The following INKA2 variants were observed in gnomAD, a reference collection of about 807,000 sequenced individuals.
INKA2 encodes the protein PAK4-inhibitor INKA2.
In INKA2, 3 loss-of-function variants were observed where a neutral mutation model predicts 9.8. The ratio of observed to expected loss-of-function variants is 0.31; its 90% CI spans 0.14 to 0.79. INKA2 has a LOEUF of 0.79. Ranked by LOEUF, INKA2 falls within the 30% of genes least tolerant of loss-of-function variation. The pLI, the probability that INKA2 is intolerant of heterozygous loss-of-function variation, is 0.62. For synonymous variants in INKA2, 147 were observed against 143.3 expected, an observed-to-expected ratio of 1.03 and a Z score of -0.18; for missense variants, 392 against 384.4, an observed-to-expected ratio of 1.02 and a Z score of -0.17.
At chr1:111,738,078 CT>C (rs1443672907) in intron 1 of INKA2, among the ~76,000 whole-genome samples, 2 of 152,160 alleles carry the variant, frequency 1.3e-5, no homozygotes, top group Non-Finnish European at 2.9e-5. Context: ...CTGAGTGCCC[CT>C]GGCTCTGTAA....
chr1:111,736,577 G>A (rs1162892746), intron 1 of INKA2, among the ~76,000 whole-genome samples: 1 of 152,194 alleles, frequency 6.6e-6, no homozygotes, highest in Non-Finnish European at 1.5e-5. Flanking sequence ...GAAATTTACT[G>A]AAATAAATGA....
At chr1:111,740,971 TAAAAAAAAAAAAAAAAA>T (rs869221820), upstream of INKA2, among the ~76,000 whole-genome samples, 25 of 38,404 alleles carry the variant, frequency 6.5e-4, 2 homozygotes, top group East Asian at 3.8e-3. Context: ...AAACTCCGTT[TAAAAAAAAAAAAAAAAA>T]AAAAAAAAAA....
chr1:111,755,747 C>A, exon 1 of INKA2: 2 of 1,613,938 alleles, frequency 1.2e-6, no homozygotes, highest in Non-Finnish European at 1.7e-6. Context: ...TTTCCTCAGG[C>A]CACATTTTTT....
chr1:111,730,501 C>T (rs1378554525), intron 1 of INKA2, among the ~76,000 whole-genome samples: 1 of 152,196 alleles, frequency 6.6e-6, no homozygotes, highest in Non-Finnish European at 1.5e-5. Context: ...CTTCCCAGCA[C>T]ACACCTCCTG....
rs755521337 is a variant in INKA2, at chr1:111,726,996, A to G, written c.866T>C (p.Phe289Ser). The G allele has an allele frequency of 1.2e-6, 2 of 1,613,788 alleles. No homozygotes were observed. The highest frequency in any genetic ancestry group is 1.7e-6 in the Non-Finnish European group (2 of 1,179,924). The change falls in exon 2 of 2, where the codon TTT becomes TCT. Residue 289 changes from phenylalanine (F) to serine (S), a missense_variant. By Grantham distance (155) the Phe-to-Ser change is radical. Transcript: ENST00000357260. The part of the protein sequence containing the change: ...PKALEHSPSG[F>S]DINTAVWV ...GACCCAAACAGCTGTGTTAATATCA[A>G]ATCCTGAGGGTGAGTGCTCCAGGGC...
Position 111,723,205 on chromosome 1 carries a change from G to C in INKA2, c.*3763C>G. 1.6e-6 allele frequency: 1 copy of C among 610,904 alleles called. No homozygotes were observed. Among genetic ancestry groups the C allele is most frequent in the Non-Finnish European group, 2.9e-6 (1 of 341,146 alleles). The allele number at this position is 610,904 out of a possible 1,614,324, so 37.8% of individuals were successfully genotyped here. ...CTCTTGTCCAGACCACGTAGGAAACGATGGTGTGACTTGGGAAAGATGGAG... is the reference window on the plus strand; with the variant it reads ...CTCTTGTCCAGACCACGTAGGAAACCATGGTGTGACTTGGGAAAGATGGAG... On this transcript the variant is annotated 3_prime_UTR_variant, in exon 2 of 2. Coordinates refer to ENST00000357260, the MANE Select transcript of INKA2 (RefSeq NM_019099.5).
chr1:111,727,895 T>TA, intron 1 of INKA2, 91 bp from the exon 2 acceptor site: 1 of 1,256,022 alleles, frequency 8.0e-7, no homozygotes, highest in South Asian at 1.2e-5. Context: ...CACCCAAACA[T>TA]ACACTTCCAG....
rs140925986 is a variant in INKA2 at position 111,726,711 on chromosome 1, GCACA to G, written c.*253_*256del. 4.4e-4 allele frequency: 207 copies of G among 467,370 alleles called. No individual in the cohort carries two copies. The highest frequency in any genetic ancestry group is 9.5e-4 in the South Asian group (34 of 35,816). The allele number at this position is 467,370 out of a possible 1,614,324, so 29.0% of individuals were successfully genotyped here. The stretch of plus-strand genomic sequence containing the variant: ...ATGCATGCCAGACAGACACACACAT[GCACA>G]CACACACACACACACGCACAGCTCA... On this transcript the variant is annotated 3_prime_UTR_variant, in exon 2 of 2. Transcript: ENST00000357260.
chr1:111,749,443 T>C lies in INKA2; in HGVS notation n.124+6258A>G, dbSNP rs554062723. 3.5e-3 allele frequency among the ~76,000 whole-genome samples: 510 copies of C among 145,788 alleles called. 3 individuals carry two copies. The highest frequency in any genetic ancestry group is 0.012 in the African/African-American group (470 of 38,070). On this transcript the variant is annotated intron_variant and non_coding_transcript_variant, in intron 1 of 1. Coordinates refer to the INKA2 transcript ENST00000444059. ...TGGGGTGTGTGTGTGTGTGTGTGTG[T>C]GTGCGCGCGCGCGCGTGCTAGGGAG...
chr1:111,749,853 C>T (rs1021534188), intron 1 of INKA2, among the ~76,000 whole-genome samples: 2 of 152,164 alleles, frequency 1.3e-5, no homozygotes, highest in Non-Finnish European at 2.9e-5. Context: ...AAAGAGGATC[C>T]CTCAAATGCA....
intron 1 of INKA2, 133 bp from the exon 2 acceptor site, chr1:111,727,937 C>T (rs183193): frequency 1.2e-6 from 1 of 822,420 alleles, no homozygotes; most frequent in Admixed American, 1.9e-5. Context: ...CCCCATCTCT[C>T]TATAGCCTAG....
rs769619836 is a variant in INKA2 at position 111,727,449 on chromosome 1, G to A, written c.413C>T (p.Pro138Leu). 12 of 1,614,102 alleles carry A rather than the reference G, an allele frequency of 7.4e-6. No homozygotes were observed. In the Middle Eastern group the frequency reaches 6.6e-4, roughly 88 times the overall value. ...CAQQGPERVE[P>L]DDWTSTLMSR... ...CATCAACGTGGAGGTCCAGTCATCC[G>A]GTTCCACTCGCTCTGGCCCCTGCTG... The change falls in exon 2 of 2, where the codon CCG becomes CTG. Residue 138 changes from proline to leucine, a missense_variant. By Grantham distance (98) the Pro-to-Leu change is moderately conservative. Coordinates refer to ENST00000357260, the MANE Select transcript of INKA2 (RefSeq NM_019099.5).
rs770237328 is a variant in INKA2, at chr1:111,727,186, G to T, written c.676C>A (p.Leu226Met). 6.8e-6 allele frequency: 11 copies of T among 1,614,110 alleles called. No homozygotes were observed. Among genetic ancestry groups the T allele is most frequent in the Non-Finnish European group, 9.3e-6 (11 of 1,180,040 alleles). The change falls in exon 2 of 2, where the codon CTG becomes ATG. Residue 226 changes from leucine (L) to methionine (M), a missense_variant. Transcript: ENST00000357260. ...GTCACCCAGCCTGGCTTCTCCTTCA[G>T]CAGCCGGTCACGGTCAGGCCGCACA... ...RSVRPDRDRL[L>M]KEKPGWVTPM...
chr1:111,746,691 A>G (rs1374772785), intron 1 of INKA2: 1 of 152,186 alleles, frequency 6.6e-6, no homozygotes, highest in South Asian at 2.1e-4. Context: ...CTAGTCTAAC[A>G]TATATTGGAG....
rs1202857461 is a variant in INKA2, at chr1:111,726,653, A to C, written c.*315T>G. On this transcript the variant is annotated 3_prime_UTR_variant, in exon 2 of 2. Coordinates refer to ENST00000357260, the MANE Select transcript of INKA2 (RefSeq NM_019099.5). ...TTTTCTGATCTCCTCCTCTGCCCTC[A>C]CCTACTGTCACCTCCAGCCCCAAAG... is the stretch of plus-strand genomic sequence containing the variant. 2.8e-6 allele frequency: 1 copy of C among 358,028 alleles called. No homozygotes were observed. Among genetic ancestry groups the C allele is most frequent in the Non-Finnish European group, 5.1e-6 (1 of 195,572 alleles). 22.2% of individuals were successfully genotyped at this position (358,028 alleles called of 1,614,324 possible).
intron 1 of INKA2, among the ~76,000 whole-genome samples, chr1:111,732,962 C>T (rs1027609753): frequency 4.6e-5 from 7 of 152,298 alleles, no homozygotes; most frequent in East Asian, 3.9e-4. Flanking sequence ...GAATCTCAGA[C>T]GACAACTCCT....
chr1:111,738,443 C>T (rs1300659480), intron 1 of INKA2, among the ~76,000 whole-genome samples: 3 of 151,790 alleles, frequency 2.0e-5, no homozygotes, highest in African/African-American at 7.3e-5. Flanking sequence ...TACCGCGGGG[C>T]CTCCGAACGC....
chr1:111,739,095 T>A, intron 1 of INKA2, 91 bp downstream of exon 1: 1 of 1,288,958 alleles, frequency 7.8e-7, no homozygotes, highest in East Asian at 2.4e-5. Flanking sequence ...CCGCCCTGCT[T>A]ACGTCCCGGC....
At chr1:111,747,373 T>A (rs749631312) in intron 1 of INKA2, 1 of 152,258 alleles carries the variant, frequency 6.6e-6, no homozygotes, top group African/African-American at 2.4e-5. Context: ...AAACCCCGCC[T>A]GGTAACTGTA....
Sources: gnomAD v4.1 joint callset for allele counts (sites outside exome capture counted in the v4.1 genomes callset) on GRCh38, gnomAD v4.1.1 for gene constraint, MANE v1.5 for transcripts, NCBI Gene and HGNC (gene_info 2026-07-23, HGNC 2026-07-21) for gene names.